The following DHX36 variants were observed in gnomAD, a reference collection of about 807,000 sequenced individuals.
The protein encoded by DHX36 is DEAH-box helicase 36.
DHX36 carries 50 observed loss-of-function variants against 139.0 expected under a neutral mutation model. The observed-to-expected ratio is 0.36, with a 90% CI of 0.29 to 0.46. DHX36 has a LOEUF of 0.46. Among genes scored for constraint, DHX36 ranks in the 20% least tolerant of loss-of-function variants. The pLI is 1.00. For missense variants in DHX36, 1,024 were observed against 1,211.3 expected (o/e 0.85, Z 2.29); for synonymous variants, 425 against 401.9 (o/e 1.06, Z -0.69).
At chr3:154,303,501 A>C in intron 8 of DHX36, 91 bp from the exon 9 acceptor site, 2 of 911,268 alleles carry the variant, frequency 2.2e-6, no homozygotes, top group Non-Finnish European at 1.6e-6. Flanking sequence ...TCTATTACTT[A>C]CTATTAATTC....
chr3:154,303,242 T>C, intron 9 of DHX36, 87 bp downstream of exon 9: 1 of 920,526 alleles, frequency 1.1e-6, no homozygotes, highest in Non-Finnish European at 1.7e-6. Flanking sequence ...AAATAGTCAA[T>C]GATGGGTTTC....
At chr3:154,284,265 C>T (rs531294064) in intron 19 of DHX36, among the ~76,000 whole-genome samples, 12 of 152,120 alleles carry the variant, frequency 7.9e-5, no homozygotes, top group Non-Finnish European at 1.6e-4. Flanking sequence ...CTGCAACCAC[C>T]GCGCCCCGGA....
chr3:154,292,567 TTC>T lies in DHX36; in HGVS notation c.1796_1797del (p.Arg599LysfsTer17), dbSNP rs778305476. On this transcript the variant is annotated frameshift_variant, in exon 15 of 25. Transcript: ENST00000496811. LOFTEE classifies it high-confidence loss of function. ...CCACCTTACCTTCCAGCTCGACCTT[TTC>T]TCTGTTTGGCATTAGCTTTACTAAC... ...EWVSKANAKQ[R>X]KGRAGRVQPG... is the part of the protein sequence containing the mutation. 2.5e-6 allele frequency: 4 copies of T among 1,614,138 alleles called. No homozygotes were observed. The highest frequency in any genetic ancestry group is 3.4e-6 in the Non-Finnish European group (4 of 1,180,002).
Position 154,311,673 on chromosome 3 carries a change from T to C in DHX36, c.605A>G (p.His202Arg). 3 of 1,596,006 alleles carry C rather than the reference T, an allele frequency of 1.9e-6. No homozygotes were observed. The highest frequency in any genetic ancestry group is 1.1e-5 in the South Asian group (1 of 87,130). The change falls in exon 4 of 25, where the codon CAT becomes CGT. Residue 202 changes from histidine to arginine, a missense_variant and splice_region_variant. Coordinates refer to ENST00000496811, the MANE Select transcript of DHX36 (RefSeq NM_020865.3). ...ATACGAAGGCAGCTTTTCTCTGAAATGCTGAAATTTAAAAAAAGTTTTAAA... is the reference window on the plus strand; with the variant it reads ...ATACGAAGGCAGCTTTTCTCTGAAACGCTGAAATTTAAAAAAAGTTTTAAA... ...KNDLRYIEMQ[H>R]FREKLPSYGM...
Position 154,274,844 on chromosome 3 carries a change from G to C in DHX36, c.*1327C>G, listed in dbSNP as rs1350415088. ...ACACCAGAATAAGCAAGCAAGAAGG[G>C]AGGGACAAAATAGTTGCTGGCCGGC... On this transcript the variant is annotated 3_prime_UTR_variant, in exon 25 of 25. Transcript: ENST00000496811. 3 of 152,242 alleles carry C rather than the reference G, an allele frequency of 2.0e-5. No individual in the cohort carries two copies. The highest frequency in any genetic ancestry group is 4.4e-5 in the Non-Finnish European group (3 of 68,072). 9.4% of individuals were successfully genotyped at this position (152,242 alleles called of 1,614,324 possible).
At chr3:154,280,896 A>T in intron 20 of DHX36, 34 bp from the exon 21 acceptor site, 4 of 1,489,322 alleles carry the variant, frequency 2.7e-6, no homozygotes, top group Middle Eastern at 1.7e-4. Context: ...GAACTAGAAT[A>T]CCTTTCACAC....
intron 4 of DHX36, among the ~76,000 whole-genome samples, chr3:154,310,808 T>A (rs1183615952): frequency 0.018 from 399 of 22,716 alleles, 58 homozygotes; most frequent in East Asian, 0.036. Flanking sequence ...AAAAAAAAAA[T>A]ATATATATAT....
chr3:154,276,322 T>C lies in DHX36; in HGVS notation c.2876A>G (p.Glu959Gly), dbSNP rs748967470. 4 of 1,613,204 alleles carry C rather than the reference T, an allele frequency of 2.5e-6. No homozygotes were observed. The Admixed American group carries it at 6.7e-5, about 27-fold the overall frequency. ...TACAGGATGAGGACTTTCAATCTTC[T>C]CTTGCAGAAGAATATCTAGTTCCTT... ...LRKELDILLQ[E>G]KIESPHPVDW... The change falls in exon 25 of 25, where the codon GAG (glutamate) becomes GGG (glycine). Residue 959 changes from glutamate (E) to glycine (G), a missense_variant. Glu to Gly is a moderately conservative substitution (Grantham distance 98, BLOSUM62 -2). Around this residue, in one of 4 missense-constraint regions of DHX36, gnomAD observed 470 missense variants for 616.2 expected, o/e 0.76. Transcript: ENST00000496811.
chr3:154,321,465 T>C (rs1713182447), intron 1 of DHX36, among the ~76,000 whole-genome samples: 1 of 152,202 alleles, frequency 6.6e-6, no homozygotes, highest in South Asian at 2.1e-4. Flanking sequence ...CTAAAATACC[T>C]TGCCCTGAGT....
At chr3:154,299,723 C>A (rs1712191443) in intron 12 of DHX36, 115 bp downstream of exon 12, 1 of 770,288 alleles carries the variant, frequency 1.3e-6, no homozygotes. Context: ...AAAAGCTTCA[C>A]CTTCATCTGT....
chr3:154,276,515 A>G, intron 24 of DHX36, 159 bp from the exon 25 acceptor site: 9 of 797,084 alleles, frequency 1.1e-5, no homozygotes, highest in African/African-American at 1.7e-5. Flanking sequence ...TTATGAGTGA[A>G]TAACTAAAGT....
At chr3:154,312,776 C>T (rs533844480) in intron 3 of DHX36, among the ~76,000 whole-genome samples, 5 of 142,904 alleles carry the variant, frequency 3.5e-5, no homozygotes, top group South Asian at 2.2e-4. Flanking sequence ...TGTGGTGAGC[C>T]GAGATCGTGC....
intron 8 of DHX36, among the ~76,000 whole-genome samples, chr3:154,304,581 G>A (rs955498199): frequency 5.3e-5 from 8 of 152,122 alleles, no homozygotes; most frequent in Admixed American, 5.2e-4. Context: ...TCTTAATTGT[G>A]TGGTGGTAGC....
intron 24 of DHX36, 156 bp from the exon 25 acceptor site, chr3:154,276,512 T>C: frequency 1.2e-6 from 1 of 808,488 alleles, no homozygotes; most frequent in Non-Finnish European, 1.9e-6. Context: ...TGGTTATGAG[T>C]GAATAACTAA....
intron 6 of DHX36, chr3:154,305,372 G>T (rs1244099088): frequency 2.1e-6 from 1 of 486,902 alleles, no homozygotes; most frequent in Non-Finnish European, 3.6e-6. Flanking sequence ...TGTTGTCATT[G>T]ATATAATGTT....
chr3:154,293,677 G>A, intron 14 of DHX36, 71 bp downstream of exon 14: 1 of 1,103,224 alleles, frequency 9.1e-7, no homozygotes, highest in East Asian at 2.4e-5. Flanking sequence ...AAAAGATTAA[G>A]GTATATAAAC....
intron 10 of DHX36, 26 bp from the exon 11 acceptor site, chr3:154,300,722 G>T: frequency 6.4e-7 from 1 of 1,554,636 alleles, no homozygotes; most frequent in Non-Finnish European, 8.8e-7. Context: ...ACAAAGTCAT[G>T]AAATACTTAA....
At chr3:154,297,726 T>G (rs1247791054) in intron 12 of DHX36, among the ~76,000 whole-genome samples, 1 of 149,852 alleles carries the variant, frequency 6.7e-6, no homozygotes, top group East Asian at 1.9e-4. Flanking sequence ...AAAAAAAAAG[T>G]CTCTAGTTTT....
intron 1 of DHX36, among the ~76,000 whole-genome samples, chr3:154,319,865 C>A (rs1713123447): frequency 6.6e-6 from 1 of 152,276 alleles, no homozygotes; most frequent in Non-Finnish European, 1.5e-5. Context: ...AATCTCTTCA[C>A]CTTAAAAACA....
Sources: allele counts gnomAD v4.1 joint callset (sites outside exome capture counted in the v4.1 genomes callset), GRCh38; gene constraint gnomAD v4.1.1; regional missense constraint gnomAD v4.1.1; transcripts MANE v1.5; gene names NCBI Gene and HGNC (gene_info 2026-07-23, HGNC 2026-07-21).